The following APC variants were observed in gnomAD, a reference collection of about 807,000 sequenced individuals.
APC encodes adenomatous polyposis coli protein.
A neutral mutation model predicts 247.0 loss-of-function variants in APC; 72 were observed. That is an observed-to-expected ratio of 0.29 (90% CI 0.24 to 0.35). The LOEUF (loss-of-function observed/expected upper bound fraction) is 0.35. APC is among the 10% of genes least tolerant of loss of function. The pLI is 1.00. For missense variants in APC, 3,400 were observed against 3,360.7 expected (o/e 1.01, Z -0.29); for synonymous variants, 1,254 against 1,162.5 (o/e 1.08, Z -1.60).
At chr5:112,720,516 T>C (rs1751424389) in intron 1 of APC, among the ~76,000 whole-genome samples, 1 of 152,166 alleles carries the variant, frequency 6.6e-6, no homozygotes, top group Non-Finnish European at 1.5e-5. Flanking sequence ...GTCCTACCCA[T>C]CTCCTATTTT....
intron 7 of APC, among the ~76,000 whole-genome samples, chr5:112,794,383 G>C (rs1354070912): frequency 6.6e-6 from 1 of 152,096 alleles, no homozygotes; most frequent in Non-Finnish European, 1.5e-5. Context: ...CCTGACCCCT[G>C]TTAAACCTTT....
In APC at chr5:112,730,911, G is replaced by A. The variant is rs544991895; in HGVS notation, c.165+23029G>A. ...GAATTTTATAAAATTCAGAAAAACC[G>A]AAATTCTTGTAATTCCTAGGGAGGA... On this transcript the variant is annotated intron_variant, in intron 1 of 13. Coordinates refer to the APC transcript ENST00000507379. Among the ~76,000 whole-genome samples, 31 of 152,072 alleles carry A rather than the reference G, an allele frequency of 2.0e-4. No individual in the cohort carries two copies. In the South Asian group the frequency reaches 5.0e-3, roughly 24 times the overall value.
Position 112,770,936 on chromosome 5 carries a change from A to G in APC, c.422+3546A>G, listed in dbSNP as rs571035641. ...ACTGTGTCTACTGAAGCCCCGCTGT[A>G]TAAGATTTGGCAACTGTGTGTTTAC... is the stretch of plus-strand genomic sequence containing the variant. On this transcript the variant is annotated intron_variant, in intron 4 of 15. Coordinates refer to ENST00000257430, the MANE Select transcript of APC (RefSeq NM_000038.6). 2.6e-5 allele frequency among the ~76,000 whole-genome samples: 4 copies of G among 152,258 alleles called. No individual in the cohort carries two copies. In the South Asian group the frequency reaches 8.3e-4, roughly 32 times the overall value.
chr5:112,827,919 T>G lies in APC; in HGVS notation c.1549-10T>G. 1 of 1,611,662 alleles carries G rather than the reference T, an allele frequency of 6.2e-7. No individual in the cohort carries two copies. The highest frequency in any genetic ancestry group is 8.5e-7 in the Non-Finnish European group (1 of 1,178,334). ...TTTTAATGATCCTCTATTCTGTATT[T>G]AATTTACAGGCTACGCTATGCTCTA... On this transcript the variant is annotated splice_polypyrimidine_tract_variant and intron_variant, in intron 12 of 15. Coordinates refer to ENST00000257430, the MANE Select transcript of APC (RefSeq NM_000038.6).
rs1445394695 is a variant in APC, at chr5:112,838,377, C to T, written c.2783C>T (p.Ala928Val). Residue 928 changes from alanine (A) to valine (V), a missense_variant, in exon 16 of 16, where the codon GCC becomes GTC. Ala to Val is a moderately conservative substitution (Grantham distance 64, BLOSUM62 0). This residue lies in a region of APC where 715 missense variants were observed against 656.6 expected (regional missense o/e 1.09). Coordinates refer to ENST00000257430, the MANE Select transcript of APC (RefSeq NM_000038.6). Reference sequence around the variant, plus strand: ...AATGCACTTAGAAGAAGCTCTGCTGCCCATACACATTCAAACACTTACAAT... The same window carrying T: ...AATGCACTTAGAAGAAGCTCTGCTGTCCATACACATTCAAACACTTACAAT... ...ERNALRRSSAAHTHSNTYNFT... is the reference protein window; with the variant it reads ...ERNALRRSSAVHTHSNTYNFT... The T allele has an allele frequency of 2.5e-6, 4 of 1,613,998 alleles. No individual in the cohort carries two copies. In the African/African-American group the frequency reaches 5.3e-5, roughly 22 times the overall value.
rs1057521293 is a variant in APC at position 112,754,877 on chromosome 5, A to G, written c.-14A>G. On this transcript the variant is annotated 5_prime_UTR_variant, in exon 2 of 16. Coordinates refer to ENST00000257430, the MANE Select transcript of APC (RefSeq NM_000038.6). ...AAATCCTTTTTAACCTTATAGGTCCAAGGGTAGCCAAGGATGGCTGCAGCT... is the reference window on the plus strand; with the variant it reads ...AAATCCTTTTTAACCTTATAGGTCCGAGGGTAGCCAAGGATGGCTGCAGCT... The G allele has an allele frequency of 9.9e-6, 16 of 1,613,402 alleles. No individual in the cohort carries two copies. The highest frequency in any genetic ancestry group is 1.3e-5 in the African/African-American group (1 of 74,920).
intron 9 of APC, 106 bp from the exon 10 acceptor site, chr5:112,818,860 T>TTTTTTTGAG: frequency 4.1e-6 from 5 of 1,208,104 alleles, no homozygotes; most frequent in East Asian, 5.1e-5. Context: ...GGGGGGTTGT[T>TTTTTTTGAG]TTGTTTTTTT....
At position 112,845,443 on chromosome 5, in the gene APC, A is replaced by G. The variant is rs1766901720; in HGVS notation, c.*1317A>G. ...ACAGTGTAAACTGTCTTGCCCCTTC[A>G]TCTTCTTGTTGCAACTGGGTCTGAC... On this transcript the variant is annotated 3_prime_UTR_variant, in exon 16 of 16. Transcript: ENST00000257430. The G allele has an allele frequency of 2.6e-5, 6 of 233,210 alleles. No homozygotes were observed. Among genetic ancestry groups the G allele is most frequent in the East Asian group, 1.8e-4 (3 of 16,526 alleles). The allele number at this position is 233,210 out of a possible 1,614,324, so 14.4% of individuals were successfully genotyped here.
At chr5:112,833,674 T>C (rs1764556883) in intron 14 of APC, among the ~76,000 whole-genome samples, 1 of 152,156 alleles carries the variant, frequency 6.6e-6, no homozygotes, top group Non-Finnish European at 1.5e-5. Context: ...AGTGTTTCTG[T>C]GGCCATTACA....
chr5:112,731,858 C>T (rs1752116606), intron 1 of APC, among the ~76,000 whole-genome samples: 1 of 152,126 alleles, frequency 6.6e-6, no homozygotes, highest in African/African-American at 2.4e-5. Context: ...GCCTCCCGGG[C>T]TCAAGTGATT....
At chr5:112,779,026 G>A (rs1270440252) in intron 5 of APC, among the ~76,000 whole-genome samples, 2 of 152,208 alleles carry the variant, frequency 1.3e-5, no homozygotes, top group African/African-American at 4.8e-5. Flanking sequence ...TTGGCTGACA[G>A]GAGGTGGAAC....
intron 8 of APC, among the ~76,000 whole-genome samples, chr5:112,812,390 T>A (rs1762075333): frequency 6.6e-6 from 1 of 152,208 alleles, no homozygotes; most frequent in Admixed American, 6.5e-5. Context: ...CTCCTTAGCC[T>A]GAGTCTCAGT....
intron 9 of APC, among the ~76,000 whole-genome samples, chr5:112,816,371 T>C (rs1392883588): frequency 2.6e-5 from 4 of 152,228 alleles, no homozygotes; most frequent in African/African-American, 9.6e-5. Flanking sequence ...TGAGTAAATA[T>C]GTATTGAGGT....
In APC at chr5:112,840,499, G is replaced by A. The variant is rs137988845; in HGVS notation, c.4905G>A (p.Gly1635=). 1,151 of 1,614,102 alleles carry A rather than the reference G, an allele frequency of 7.1e-4. 2 individuals carry two copies. The highest frequency in any genetic ancestry group is 8.9e-4 in the Non-Finnish European group (1,055 of 1,180,004). ...AAAAGCATGTTAGTTTTACACCGGG[G>A]GATGATATGCCACGGGTGTATTGTG... ...QPQKHVSFTP[G]DDMPRVYCVE... The change falls in exon 16 of 16, where the codon GGG becomes GGA. Residue 1635 remains glycine, a synonymous_variant. Coordinates refer to ENST00000257430, the MANE Select transcript of APC (RefSeq NM_000038.6). This position sits in a 1 kb window ranked among gnomAD's most constrained non-coding sequence, Gnocchi z 4.1.
intron 14 of APC, 58 bp downstream of exon 14, chr5:112,829,030 T>C (rs1764036442): frequency 8.5e-7 from 1 of 1,179,318 alleles, no homozygotes; most frequent in African/African-American, 1.5e-5. Flanking sequence ...TTTTTTTTGC[T>C]GCCTTCTTTT....
chr5:112,719,180 G>C (rs926245215), intron 1 of APC, among the ~76,000 whole-genome samples: 5 of 152,028 alleles, frequency 3.3e-5, no homozygotes, highest in Non-Finnish European at 7.4e-5. Flanking sequence ...TATTTTTGTT[G>C]GAAGTAGGTT....
chr5:112,775,845 A>T, intron 5 of APC, 108 bp downstream of exon 5: 1 of 644,428 alleles, frequency 1.6e-6, no homozygotes, highest in Non-Finnish European at 2.7e-6. Flanking sequence ...AGTTATTTGT[A>T]AATTGCAATA....
chr5:112,744,274 G>A (rs1753386588), intron 1 of APC, among the ~76,000 whole-genome samples: 1 of 152,056 alleles, frequency 6.6e-6, no homozygotes, highest in Non-Finnish European at 1.5e-5. Flanking sequence ...TTTTTTTATG[G>A]AAAAGTCATC....
chr5:112,780,650 A>G, intron 5 of APC, 140 bp from the exon 6 acceptor site: 1 of 628,848 alleles, frequency 1.6e-6, no homozygotes, highest in East Asian at 2.9e-5. Flanking sequence ...CACTCCTTGG[A>G]GTAAAAAATA....
Sources: allele counts gnomAD v4.1 joint callset (sites outside exome capture counted in the v4.1 genomes callset), GRCh38; gene constraint gnomAD v4.1.1; regional missense constraint gnomAD v4.1.1; non-coding constraint Gnocchi (gnomAD v3.1); transcripts MANE v1.5; gene names NCBI Gene and HGNC (gene_info 2026-07-23, HGNC 2026-07-21).